Variants in NKAIN3 observed in about 807,000 individuals in gnomAD.
NKAIN3 encodes the protein sodium/potassium transporting ATPase interacting 3, also known as sodium/potassium-transporting ATPase subunit beta-1-interacting protein 3.
Under a neutral mutation model 30.2 loss-of-function variants are expected in NKAIN3, and 25 were observed. That is an observed-to-expected ratio of 0.83 (90% confidence interval 0.60 to 1.16). The LOEUF (loss-of-function observed/expected upper bound fraction) is 1.16, where lower values mean the gene tolerates loss of function less well. Ranked by LOEUF, NKAIN3 falls within the 50% of genes most tolerant of loss-of-function variation. The pLI, the probability that NKAIN3 is intolerant of heterozygous loss-of-function variation, is 0.00. For synonymous variants in NKAIN3, 91 were observed against 89.6 expected, an observed-to-expected ratio of 1.02 and a Z score of -0.09; for missense variants, 225 against 254.1, an observed-to-expected ratio of 0.89 and a Z score of 0.78.
intron 1 of NKAIN3, among the ~76,000 whole-genome samples, chr8:62,557,439 T>C (rs923116113): frequency 6.6e-6 from 1 of 152,106 alleles, no homozygotes; most frequent in South Asian, 2.1e-4. Context: ...GATTGCTGGA[T>C]CAAATAGCAG....
intron 4 of NKAIN3, among the ~76,000 whole-genome samples, chr8:62,814,587 C>G (rs1297394110): frequency 2.6e-5 from 4 of 152,116 alleles, no homozygotes; most frequent in Non-Finnish European, 5.9e-5. Flanking sequence ...TCACTCAAAA[C>G]CACTCAAATA....
intron 1 of NKAIN3, among the ~76,000 whole-genome samples, chr8:62,392,360 T>G (rs1396966562): frequency 6.6e-6 from 1 of 152,068 alleles, no homozygotes. Context: ...GAAGGAGACT[T>G]TTGTAGTGGA....
At chr8:62,691,001 A>T (rs1169743651) in intron 3 of NKAIN3, among the ~76,000 whole-genome samples, 3 of 152,142 alleles carry the variant, frequency 2.0e-5, no homozygotes, top group Non-Finnish European at 4.4e-5. Context: ...CCCCTAATAT[A>T]ATGCAGGTTC....
chr8:62,836,132 T>A (rs1819354599), intron 4 of NKAIN3, among the ~76,000 whole-genome samples: 1 of 151,948 alleles, frequency 6.6e-6, no homozygotes, highest in Non-Finnish European at 1.5e-5. Context: ...AGCTAAACAT[T>A]GGGTACACAT....
At chr8:62,767,561 T>C (rs1035126858) in intron 4 of NKAIN3, among the ~76,000 whole-genome samples, 3 of 152,148 alleles carry the variant, frequency 2.0e-5, no homozygotes, top group African/African-American at 7.2e-5. Context: ...TTAAATCAGT[T>C]TGAGGAGAGT....
chr8:62,329,569 C>T (rs1013373600), intron 1 of NKAIN3, among the ~76,000 whole-genome samples: 3 of 152,126 alleles, frequency 2.0e-5, no homozygotes, highest in Admixed American at 6.6e-5. Flanking sequence ...TTAGTTTCCA[C>T]TTATAAGTGA....
intron 1 of NKAIN3, among the ~76,000 whole-genome samples, chr8:62,409,334 A>C (rs1563385632): frequency 6.6e-6 from 1 of 152,054 alleles, no homozygotes; most frequent in African/African-American, 2.4e-5. Flanking sequence ...ACAGGCATAC[A>C]TCACCACAAC....
Position 62,966,844 on chromosome 8 carries a change from T to C in NKAIN3, c.*1437T>C, listed in dbSNP as rs1823725578. ...CTAAGAAGTCCGTCTATTAACCACCTAAAACTGTTACAAATATTTGTATGT... is the reference window on the plus strand; with the variant it reads ...CTAAGAAGTCCGTCTATTAACCACCCAAAACTGTTACAAATATTTGTATGT... On this transcript the variant is annotated 3_prime_UTR_variant, in exon 7 of 7. Transcript: ENST00000623646. Among the ~76,000 whole-genome samples the C allele has an allele frequency of 2.0e-5, 3 of 152,224 alleles. No homozygotes were observed. Among genetic ancestry groups the C allele is most frequent in the Admixed American group, 2.0e-4 (3 of 15,286 alleles).
At chr8:62,349,439 G>A (rs1332893002) in intron 1 of NKAIN3, among the ~76,000 whole-genome samples, 1 of 152,168 alleles carries the variant, frequency 6.6e-6, no homozygotes, top group African/African-American at 2.4e-5. Context: ...AGAGATGACA[G>A]ATTGTGATTT....
At chr8:62,469,811 C>T (rs1456676927) in intron 1 of NKAIN3, among the ~76,000 whole-genome samples, 1 of 152,130 alleles carries the variant, frequency 6.6e-6, no homozygotes, top group African/African-American at 2.4e-5. Context: ...AAGCCTACAA[C>T]AGGATGACCT....
rs1823957606 is a variant in NKAIN3 at position 62,977,027 on chromosome 8, T to G, written c.*11620T>G. Among the ~76,000 whole-genome samples the G allele has an allele frequency of 6.6e-6, 1 of 152,222 alleles. No homozygotes were observed. Among genetic ancestry groups the G allele is most frequent in the South Asian group, 2.1e-4 (1 of 4,832 alleles). On this transcript the variant is annotated 3_prime_UTR_variant, in exon 7 of 7. Coordinates refer to ENST00000623646, the MANE Select transcript of NKAIN3 (RefSeq NM_001304533.3). Reference sequence around the variant, plus strand: ...ATATTAGCCCCCAATCTCTTGTGGCTTTTAGGGTTTCTGCAGAGAGATCTG... The same window carrying G: ...ATATTAGCCCCCAATCTCTTGTGGCGTTTAGGGTTTCTGCAGAGAGATCTG...
At chr8:62,897,365 G>T (rs530545301) in intron 4 of NKAIN3, among the ~76,000 whole-genome samples, 1 of 70,322 alleles carries the variant, frequency 1.4e-5, no homozygotes, top group Non-Finnish European at 2.4e-5. Context: ...AAATCTGTTG[G>T]TGTAATTTTT....
At chr8:62,445,654 T>C (rs1262013032) in intron 1 of NKAIN3, among the ~76,000 whole-genome samples, 3 of 152,160 alleles carry the variant, frequency 2.0e-5, no homozygotes, top group African/African-American at 4.8e-5. Context: ...AATATAGTAG[T>C]AGAGATGGTG....
At chr8:62,855,823 G>A in intron 4 of NKAIN3, 2 of 887,868 alleles carry the variant, frequency 2.3e-6, no homozygotes, top group Non-Finnish European at 3.8e-6. Context: ...TGGAATCCTG[G>A]AGGAGTCACC....
In NKAIN3 at chr8:62,259,419, A is replaced by T. The variant is rs567543786; in HGVS notation, c.54+10292A>T. ...TAGCTTCTTTCTTAGGTGCATCAAA[A>T]ATTCATGCTTTTAATCCCCATTAAA... On this transcript the variant is annotated intron_variant, in intron 1 of 6. Coordinates refer to ENST00000623646, the MANE Select transcript of NKAIN3 (RefSeq NM_001304533.3). 5.3e-5 allele frequency among the ~76,000 whole-genome samples: 8 copies of T among 152,294 alleles called. No homozygotes were observed. In the East Asian group the frequency reaches 9.7e-4, roughly 18 times the overall value.
chr8:62,599,352 A>G (rs1353103904), intron 3 of NKAIN3, among the ~76,000 whole-genome samples: 2 of 152,026 alleles, frequency 1.3e-5, no homozygotes, highest in Admixed American at 6.6e-5. Context: ...GTAGGTAACT[A>G]AAAGTGTCTG....
chr8:62,457,007 C>G (rs145339141), intron 1 of NKAIN3, among the ~76,000 whole-genome samples: 9 of 152,302 alleles, frequency 5.9e-5, no homozygotes, highest in Non-Finnish European at 1.0e-4. Context: ...CTTTAATCTC[C>G]ATGAATGAAA....
At chr8:62,894,596 C>T (rs1165257340) in intron 4 of NKAIN3, among the ~76,000 whole-genome samples, 1 of 152,154 alleles carries the variant, frequency 6.6e-6, no homozygotes, top group Non-Finnish European at 1.5e-5. Context: ...TAGTTCACCT[C>T]TCCAGAGGCA....
intron 4 of NKAIN3, among the ~76,000 whole-genome samples, chr8:62,808,341 T>G (rs1818371450): frequency 1.3e-5 from 2 of 152,214 alleles, no homozygotes; most frequent in Admixed American, 1.3e-4. Flanking sequence ...CATTTTATAA[T>G]AGTAGTTCAA....
Sources: allele counts gnomAD v4.1 joint callset (sites outside exome capture counted in the v4.1 genomes callset), GRCh38; gene constraint gnomAD v4.1.1; transcripts MANE v1.5; gene names NCBI Gene and HGNC (gene_info 2026-07-23, HGNC 2026-07-21).